PGCKA1: variants seen among roughly 807,000 people sequenced by gnomAD.
PGCKA1 encodes PDCD10 and GCKIII kinases associated 1, also known as PDCD10 and GCKIII kinases-associated protein 1.
chr4:37,552,153 T>C, the PGCKA1 span, among the ~76,000 whole-genome samples: 6 of 152,354 alleles, frequency 3.9e-5, no homozygotes, highest in African/African-American at 1.4e-4. Flanking sequence ...AATCAACTCA[T>C]GACTTAGAAC....
the PGCKA1 span, among the ~76,000 whole-genome samples, chr4:37,585,708 A>G: frequency 6.6e-6 from 1 of 151,994 alleles, no homozygotes; most frequent in Non-Finnish European, 1.5e-5. Flanking sequence ...TCTATGAATT[A>G]TCAGCAGAAA....
chr4:37,582,044 G>A, the PGCKA1 span, among the ~76,000 whole-genome samples: 1 of 152,138 alleles, frequency 6.6e-6, no homozygotes, highest in Non-Finnish European at 1.5e-5. Flanking sequence ...TGATAGGGCA[G>A]CACTGAGTTC....
the PGCKA1 span, among the ~76,000 whole-genome samples, chr4:37,508,791 A>C: frequency 6.7e-6 from 1 of 150,146 alleles, no homozygotes; most frequent in African/African-American, 2.5e-5. Flanking sequence ...CAAGTGAACA[A>C]GGGTCTCTGG....
chr4:37,552,377 C>A, the PGCKA1 span, among the ~76,000 whole-genome samples: 1 of 152,212 alleles, frequency 6.6e-6, no homozygotes, highest in Non-Finnish European at 1.5e-5. Flanking sequence ...GATTTTAAGA[C>A]AGTAGCTTGC....
chr4:37,557,180 C>A, the PGCKA1 span, among the ~76,000 whole-genome samples: 1 of 152,176 alleles, frequency 6.6e-6, no homozygotes, highest in Admixed American at 6.5e-5. Flanking sequence ...TTCTATACAT[C>A]ATAAACAAAG....
chr4:37,510,071 T>C, the PGCKA1 span, among the ~76,000 whole-genome samples: 8 of 152,192 alleles, frequency 5.3e-5, no homozygotes, highest in Non-Finnish European at 1.0e-4. Flanking sequence ...TTAATTATTT[T>C]AATCTCTTTG....
chr4:37,461,605 A>G, the PGCKA1 span, among the ~76,000 whole-genome samples: 23 of 152,128 alleles, frequency 1.5e-4, 1 homozygote, highest in African/African-American at 4.8e-4. Flanking sequence ...TCAATGCCAC[A>G]GGTATGAAAG....
chr4:37,487,838 G>A, the PGCKA1 span, among the ~76,000 whole-genome samples: 1 of 152,016 alleles, frequency 6.6e-6, no homozygotes, highest in African/African-American at 2.4e-5. Context: ...TTTTGTTGAT[G>A]TTGCATGTTT....
At chr4:37,503,775 T>G in the PGCKA1 span, among the ~76,000 whole-genome samples, 1 of 152,246 alleles carries the variant, frequency 6.6e-6, no homozygotes, top group Non-Finnish European at 1.5e-5. Context: ...TGAGATCTTT[T>G]GCCGATTTTT....
chr4:37,567,898 A>C, the PGCKA1 span, among the ~76,000 whole-genome samples: 4 of 152,206 alleles, frequency 2.6e-5, no homozygotes, highest in South Asian at 2.1e-4. Flanking sequence ...ATAAAGGGCC[A>C]CATGAAATGT....
chr4:37,531,689 G>C, the PGCKA1 span, among the ~76,000 whole-genome samples: 1 of 151,380 alleles, frequency 6.6e-6, no homozygotes, highest in East Asian at 1.9e-4. Flanking sequence ...TCAGGAGATC[G>C]AGACCATCCT....
the PGCKA1 span, chr4:37,590,130 C>T: frequency 1.2e-6 from 2 of 1,614,114 alleles, no homozygotes; most frequent in Middle Eastern, 1.6e-4. Flanking sequence ...CTGGCTATGT[C>T]AATGAAGTCA....
chr4:37,526,871 A>G, the PGCKA1 span, among the ~76,000 whole-genome samples: 12,452 of 152,284 alleles, frequency 0.082, 652 homozygotes, highest in Middle Eastern at 0.14. Context: ...ATTTAAAAAA[A>G]AAGTTGATTG....
the PGCKA1 span, among the ~76,000 whole-genome samples, chr4:37,524,433 G>A: frequency 2.6e-5 from 4 of 152,250 alleles, no homozygotes; most frequent in Non-Finnish European, 5.9e-5. Context: ...TCCCCACCAG[G>A]GCCTCACCAC....
the PGCKA1 span, among the ~76,000 whole-genome samples, chr4:37,582,377 T>C: frequency 6.6e-6 from 1 of 152,212 alleles, no homozygotes; most frequent in African/African-American, 2.4e-5. Context: ...CATTCTCTTA[T>C]ATAACCCCAG....
At chr4:37,527,828 C>CA in the PGCKA1 span, among the ~76,000 whole-genome samples, 61,663 of 143,014 alleles carry the variant, frequency 0.43, 13,452 homozygotes, top group African/African-American at 0.57. Flanking sequence ...GACTCCGTCT[C>CA]AAAAAAAAAA....
At chr4:37,563,711 T>G in the PGCKA1 span, among the ~76,000 whole-genome samples, 2 of 152,190 alleles carry the variant, frequency 1.3e-5, no homozygotes, top group African/African-American at 4.8e-5. Flanking sequence ...TAAAATCTAT[T>G]TGTAGCCTTA....
chr4:37,478,234 C>T, the PGCKA1 span, among the ~76,000 whole-genome samples: 1 of 145,984 alleles, frequency 6.9e-6, no homozygotes, highest in Non-Finnish European at 1.5e-5. Flanking sequence ...CCTATGTTAC[C>T]TTTGGACCAG....
At chr4:37,579,090 A>G in the PGCKA1 span, among the ~76,000 whole-genome samples, 2 of 152,198 alleles carry the variant, frequency 1.3e-5, no homozygotes, top group African/African-American at 2.4e-5. Context: ...CATTATTTTA[A>G]TTTGATAACA....
Sources: allele counts gnomAD v4.1 joint callset (sites outside exome capture counted in the v4.1 genomes callset), GRCh38; gene constraint gnomAD v4.1.1; transcripts MANE v1.5; gene names NCBI Gene and HGNC (gene_info 2026-07-23, HGNC 2026-07-21).